The following EFEMP2 variants were observed in gnomAD, a reference collection of about 807,000 sequenced individuals.
The protein encoded by EFEMP2 is EGF-like fibulin extracellular matrix protein 2.
In EFEMP2, 21 loss-of-function variants were observed where a neutral mutation model predicts 55.3. The observed-to-expected ratio is 0.38, with a 90% CI of 0.27 to 0.55. EFEMP2 has a LOEUF of 0.55. Among genes scored for constraint, EFEMP2 ranks in the 20% least tolerant of loss-of-function variants. The pLI is 0.77. For missense variants in EFEMP2, 513 were observed against 615.1 expected, an observed-to-expected ratio of 0.83 and a Z score of 1.76; for synonymous variants, 275 against 242.3, an observed-to-expected ratio of 1.14 and a Z score of -1.25.
At chr11:65,868,139 CA>C in intron 9 of EFEMP2, 83 bp from the exon 10 acceptor site, 2 of 1,566,000 alleles carry the variant, frequency 1.3e-6, no homozygotes, top group Non-Finnish European at 1.7e-6. Flanking sequence ...GAGGGAATCC[CA>C]AAAGGACCCT....
intron 7 of EFEMP2, 177 bp downstream of exon 7, chr11:65,869,680 C>T (rs1859929132): frequency 1.1e-6 from 1 of 910,108 alleles, no homozygotes; most frequent in Non-Finnish European, 1.8e-6. Context: ...CTCCTTGTGC[C>T]TCCCCCACTA....
intron 3 of EFEMP2, 169 bp from the exon 4 acceptor site, chr11:65,871,532 C>G: frequency 1.5e-6 from 1 of 677,094 alleles, no homozygotes; most frequent in Admixed American, 2.5e-5. Flanking sequence ...CAGGGTTGGC[C>G]AAGGCTGGAG....
Position 65,866,754 on chromosome 11 carries a change from C to A in EFEMP2, c.*164G>T. 1.1e-6 allele frequency: 1 copy of A among 903,918 alleles called. No individual in the cohort carries two copies. The highest frequency in any genetic ancestry group is 1.8e-6 in the Non-Finnish European group (1 of 566,528). The allele number at this position is 903,918 out of a possible 1,614,324, so 56.0% of individuals were successfully genotyped here. A position where few individuals can be genotyped will look rare whatever the true frequency, so the allele number is the denominator to read the frequency against. On this transcript the variant is annotated 3_prime_UTR_variant, in exon 11 of 11. Coordinates refer to ENST00000307998, the MANE Select transcript of EFEMP2 (RefSeq NM_016938.5). ...CCCCATTTAGGTGAACTTGGCCTGC[C>A]CCCCCAAGTGCCACCCTGCCCCAGC...
Position 65,872,421 on chromosome 11 carries a change from C to T in EFEMP2, c.-7-60G>A. The T allele has an allele frequency of 4.8e-6, 6 of 1,249,166 alleles. No homozygotes were observed. In the South Asian group the frequency reaches 7.7e-5, roughly 16 times the overall value. 77.4% of individuals were successfully genotyped at this position (1,249,166 alleles called of 1,614,324 possible). ...CCCGCGGCACCTCAACTCCCTGTAC[C>T]GGGAGCCCGAGCCCAGCCCCCGCCA... is the stretch of plus-strand genomic sequence containing the variant. On this transcript the variant is annotated intron_variant, in intron 1 of 10. Coordinates refer to ENST00000307998, the MANE Select transcript of EFEMP2 (RefSeq NM_016938.5).
In EFEMP2 at chr11:65,870,258, AGGAGGGC is replaced by A. The variant is rs149021732; in HGVS notation, c.491-28_491-22del. On this transcript the variant is annotated intron_variant, in intron 5 of 10. Coordinates refer to ENST00000307998, the MANE Select transcript of EFEMP2 (RefSeq NM_016938.5). Reference sequence around the variant, plus strand: ...TATGTCTAGGGATAGAGGCAGGAGAAGGAGGGCGGAGGGCAGAGGGCAGAGGGCAGGT... The same window carrying A: ...TATGTCTAGGGATAGAGGCAGGAGAAGGAGGGCAGAGGGCAGAGGGCAGGT... The A allele has an allele frequency of 2.9e-3, 4,727 of 1,608,468 alleles. 158 individuals are homozygous for A. The East Asian group carries it at 0.08, about 27-fold the overall frequency.
intron 4 of EFEMP2, 69 bp from the exon 5 acceptor site, chr11:65,870,727 C>G (rs1565274164): frequency 6.2e-7 from 1 of 1,609,310 alleles, no homozygotes; most frequent in Non-Finnish European, 8.5e-7. Flanking sequence ...ATAGTTCCAA[C>G]ACTTGTATTC....
At position 65,866,955 on chromosome 11, in the gene EFEMP2, A is replaced by C. The variant is rs1305589445; in HGVS notation, c.1295T>G (p.Leu432Arg). 1 of 1,614,210 alleles carries C rather than the reference A, an allele frequency of 6.2e-7. No homozygotes were observed. Among genetic ancestry groups the C allele is most frequent in the Admixed American group, 1.7e-5 (1 of 60,028 alleles). The change falls in exon 11 of 11, where the codon CTG (leucine) becomes CGG (arginine). Residue 432 changes from leucine to arginine, a missense_variant. Physicochemically the swap from Leu to Arg is moderately radical, Grantham distance 102. Coordinates refer to ENST00000307998, the MANE Select transcript of EFEMP2 (RefSeq NM_016938.5). ...GGCCCCTACAAAGACGGTGAGCCTC[A>C]GTACAGAGCTGGCCCGGTAGCTCAT... is the stretch of plus-strand genomic sequence containing the variant. ...SLMSYRASSVLRLTVFVGAYT... is the reference protein window; with the variant it reads ...SLMSYRASSVRRLTVFVGAYT...
chr11:65,870,533 C>T lies in EFEMP2; in HGVS notation c.490+3G>A. 1 of 1,613,958 alleles carries T rather than the reference C, an allele frequency of 6.2e-7. No homozygotes were observed. Among genetic ancestry groups the T allele is most frequent in the South Asian group, 1.1e-5 (1 of 91,068 alleles). On this transcript the variant is annotated splice_donor_region_variant and intron_variant, in intron 5 of 10. Coordinates refer to ENST00000307998, the MANE Select transcript of EFEMP2 (RefSeq NM_016938.5). ...GACTACAGAAGCTGCTTCCTGGACT[C>T]ACCCACACACTCGGGCCCGATCTTG...
At position 65,870,200 on chromosome 11, in the gene EFEMP2, G is replaced by C; in HGVS notation, c.528C>G (p.Arg176=). 1 of 1,613,764 alleles carries C rather than the reference G, an allele frequency of 6.2e-7. No individual in the cohort carries two copies. ...GGAAGGAGCCAGGCAGGTTCACGCA[G>C]CGGTGCTGGCAGTAGCGGTAGCGGC... ...DECRYRYCQH[R]CVNLPGSFRC... is the part of the protein sequence containing the mutation. The change falls in exon 6 of 11, where the codon CGC becomes CGG. Residue 176 remains arginine, a synonymous_variant. Transcript: ENST00000307998.
intron 6 of EFEMP2, 25 bp from the exon 7 acceptor site, chr11:65,870,001 G>A (rs767764131): frequency 1.4e-5 from 22 of 1,613,510 alleles, no homozygotes; most frequent in Admixed American, 3.3e-5. Flanking sequence ...AAAAACAGGA[G>A]GGATGAAAGC....
chr11:65,867,717 C>T (rs1222331847), intron 10 of EFEMP2, 144 bp downstream of exon 10: 1 of 842,232 alleles, frequency 1.2e-6, no homozygotes, highest in Non-Finnish European at 2.0e-6. Context: ...TAGAGTACCC[C>T]CGTCTTCCTG....
rs1859978196 is a variant in EFEMP2 at position 65,872,297 on chromosome 11, A to T, written c.58T>A (p.Leu20Met). ...GSLLLWALLLLLLGSASPQDS... is the reference protein window; with the variant it reads ...GSLLLWALLLMLLGSASPQDS... ...TGAGGAGAAGCTGATCCCAAGAGCAACAGTAGCAGCGCCCAGAGCAGTAGA... is the reference window on the plus strand; with the variant it reads ...TGAGGAGAAGCTGATCCCAAGAGCATCAGTAGCAGCGCCCAGAGCAGTAGA... Residue 20 changes from leucine to methionine, a missense_variant, in exon 2 of 11, where the codon TTG becomes ATG. By Grantham distance (15) the Leu-to-Met change is conservative (BLOSUM62 2). Transcript: ENST00000307998. The T allele has an allele frequency of 6.4e-7, 1 of 1,551,642 alleles. No individual in the cohort carries two copies. Among genetic ancestry groups the T allele is most frequent in the African/African-American group, 1.4e-5 (1 of 73,074 alleles).
In EFEMP2 at chr11:65,869,882, C is replaced by T. The variant is rs774228964; in HGVS notation, c.702G>A (p.Leu234=). 2.5e-6 allele frequency: 4 copies of T among 1,614,062 alleles called. No individual in the cohort carries two copies. Among genetic ancestry groups the T allele is most frequent in the Admixed American group, 3.3e-5 (2 of 60,028 alleles). ...CACTGCAGGAGAAGCCATCCCGATG[C>T]AGCTCATAGCCCTGGTGGCAGCGAC... is the stretch of plus-strand genomic sequence containing the variant. ...FLCRCHQGYE[L]HRDGFSCSDI... The change falls in exon 7 of 11, where the codon CTG becomes CTA. Residue 234 remains leucine (L), a synonymous_variant. Transcript: ENST00000307998.
chr11:65,867,583 C>A (rs1214994554), intron 10 of EFEMP2: 1 of 516,944 alleles, frequency 1.9e-6, no homozygotes, highest in African/African-American at 1.9e-5. Flanking sequence ...CAGGGCCCTG[C>A]ACACGCCATT....
chr11:65,872,725 G>C lies in EFEMP2; in HGVS notation c.-50C>G. ...CCGCGGCCCGCGGCTCTGGCGGCTC[G>C]GCTGGCTCGGGCAATGCCTGCGGGC... On this transcript the variant is annotated 5_prime_UTR_variant, in exon 1 of 11. Transcript: ENST00000307998. The C allele has an allele frequency of 2.8e-6, 1 of 353,852 alleles. No individual in the cohort carries two copies. Among genetic ancestry groups the C allele is most frequent in the South Asian group, 1.9e-5 (1 of 51,690 alleles). 21.9% of individuals were successfully genotyped at this position (353,852 alleles called of 1,614,324 possible). A position where few individuals can be genotyped will look rare whatever the true frequency, so the allele number is the denominator to read the frequency against.
intron 3 of EFEMP2, 147 bp from the exon 4 acceptor site, chr11:65,871,510 A>G (rs1335549433): frequency 1.3e-6 from 1 of 768,108 alleles, no homozygotes; most frequent in Non-Finnish European, 2.2e-6. Flanking sequence ...CTGCCTGCTC[A>G]GGACCCCTCC....
In EFEMP2 at chr11:65,871,957, C is replaced by G; in HGVS notation, c.160+13G>C. 4.5e-6 allele frequency: 7 copies of G among 1,551,530 alleles called. No homozygotes were observed. Among genetic ancestry groups the G allele is most frequent in the Non-Finnish European group, 6.1e-6 (7 of 1,146,914 alleles). ...GGGTTCCTGGGGGTGTTTGGTCCCC[C>G]AGGCACACACACCCCGGCAGTGCTG... On this transcript the variant is annotated intron_variant, in intron 3 of 10. Transcript: ENST00000307998.
Position 65,872,705 on chromosome 11 carries a change from G to A in EFEMP2, c.-30C>T. 2 of 353,744 alleles carry A rather than the reference G, an allele frequency of 5.7e-6. No individual in the cohort carries two copies. Among genetic ancestry groups the A allele is most frequent in the Non-Finnish European group, 1.1e-5 (2 of 175,966 alleles). 21.9% of individuals were successfully genotyped at this position (353,744 alleles called of 1,614,324 possible). On this transcript the variant is annotated 5_prime_UTR_variant, in exon 1 of 11. Transcript: ENST00000307998. ...CACTTGGGCCCGCGACACCCCCGCG[G>A]CCCGCGGCTCTGGCGGCTCGGCTGG...
chr11:65,872,187 C>G (rs1859975618), intron 2 of EFEMP2, 57 bp downstream of exon 2: 1 of 1,515,772 alleles, frequency 6.6e-7, no homozygotes, highest in Non-Finnish European at 9.0e-7. Context: ...ACCCTGGGTC[C>G]CGGTCTCTTC....
Sources: allele counts gnomAD v4.1 joint callset, GRCh38; gene constraint gnomAD v4.1.1; transcripts MANE v1.5; gene names NCBI Gene and HGNC (gene_info 2026-07-23, HGNC 2026-07-21).